Variants in RFTN2 observed in about 807,000 individuals in gnomAD.
The protein encoded by RFTN2 is raftlin-2.
A neutral mutation model predicts 52.7 loss-of-function variants in RFTN2; 34 were observed. The ratio of observed to expected loss-of-function variants is 0.64; its 90% confidence interval spans 0.49 to 0.86. The LOEUF (loss-of-function observed/expected upper bound fraction) is 0.86, where lower values mean the gene tolerates loss of function less well. Among genes scored for constraint, RFTN2 ranks in the 40% least tolerant of loss-of-function variants. The pLI, the probability that RFTN2 is intolerant of heterozygous loss-of-function variation, is 0.00. For synonymous variants in RFTN2, 203 were observed against 217.7 expected (o/e 0.93, Z 0.59); for missense variants, 536 against 600.1 (o/e 0.89, Z 1.12).
Position 197,596,355 on chromosome 2 carries a change from C to G in RFTN2, c.1155-286G>C, listed in dbSNP as rs181778531. Among the ~76,000 whole-genome samples the G allele has an allele frequency of 8.5e-5, 13 of 152,228 alleles. No individual in the cohort carries two copies. In the East Asian group the frequency reaches 2.5e-3, roughly 29 times the overall value. ...ACTTGTAATCTCACCAAGCTAACAT[C>G]AATATTTTCATTTCTTTGTTTCCCC... On this transcript the variant is annotated intron_variant, in intron 7 of 8. Transcript: ENST00000295049.
chr2:197,572,864 G>A (rs1161121062), intron 8 of RFTN2, among the ~76,000 whole-genome samples: 1 of 152,134 alleles, frequency 6.6e-6, no homozygotes, highest in Non-Finnish European at 1.5e-5. Context: ...CCATGAATAA[G>A]TATCATGAGA....
intron 1 of RFTN2, among the ~76,000 whole-genome samples, chr2:197,649,333 TTCC>T (rs1287385777): frequency 1.3e-5 from 2 of 152,184 alleles, no homozygotes; most frequent in African/African-American, 2.4e-5. Context: ...TCACCACATG[TTCC>T]TCATTTTAAT....
At chr2:197,650,562 C>T (rs1209745854) in intron 1 of RFTN2, among the ~76,000 whole-genome samples, 1 of 152,218 alleles carries the variant, frequency 6.6e-6, no homozygotes, top group Non-Finnish European at 1.5e-5. Flanking sequence ...CTTTTTGTGA[C>T]TGGCTTATTT....
chr2:197,631,641 C>T (rs866975294), intron 4 of RFTN2, among the ~76,000 whole-genome samples: 2 of 152,090 alleles, frequency 1.3e-5, no homozygotes, highest in African/African-American at 2.4e-5. Flanking sequence ...AGATCTTATT[C>T]GTTTATTTTA....
At chr2:197,665,754 T>G (rs2089047420) in intron 1 of RFTN2, among the ~76,000 whole-genome samples, 1 of 150,540 alleles carries the variant, frequency 6.6e-6, no homozygotes, top group African/African-American at 2.4e-5. Flanking sequence ...GAGAATTTAA[T>G]CTACTTACAT....
At chr2:197,606,898 C>T (rs903719658) in intron 7 of RFTN2, among the ~76,000 whole-genome samples, 1 of 152,126 alleles carries the variant, frequency 6.6e-6, no homozygotes, top group African/African-American at 2.4e-5. Context: ...TAAACTAGTT[C>T]AGCCATTGTG....
At position 197,572,163 on chromosome 2, in the gene RFTN2, G is replaced by A. The variant is rs138418206; in HGVS notation, c.1351C>T (p.Arg451Cys). ...CAGCATTCCCGGGAGGGAGAAAGGC[G>A]GCACTCCTCAGGCAGGTGTCTGCTC... ...AESRHLPEEC[R>C]LSPSRECWTK... Residue 451 changes from arginine (R) to cysteine (C), a missense_variant, in exon 9 of 9, where the codon CGC becomes TGC. By Grantham distance (180) the Arg-to-Cys change is radical. Coordinates refer to ENST00000295049, the MANE Select transcript of RFTN2 (RefSeq NM_144629.3). 74 of 1,614,104 alleles carry A rather than the reference G, an allele frequency of 4.6e-5. No individual in the cohort carries two copies. Among genetic ancestry groups the A allele is most frequent in the South Asian group, 3.3e-5 (3 of 91,094 alleles).
intron 7 of RFTN2, among the ~76,000 whole-genome samples, chr2:197,613,753 A>T (rs1352999641): frequency 6.6e-6 from 1 of 152,264 alleles, no homozygotes; most frequent in East Asian, 1.9e-4. Flanking sequence ...GGCACTTGGC[A>T]GGACTCAAAT....
rs768954421 is a variant in RFTN2 at position 197,572,236 on chromosome 2, G to C, written c.1278C>G (p.Ala426=). Residue 426 remains alanine, a synonymous_variant, in exon 9 of 9, where the codon GCC becomes GCG. Coordinates refer to ENST00000295049, the MANE Select transcript of RFTN2 (RefSeq NM_144629.3). Reference sequence around the variant, plus strand: ...TGTCTAATCCGATGCTTCTACTAGTGGCTTTATTCTTGTCTTCACCTTTTA... The same window carrying C: ...TGTCTAATCCGATGCTTCTACTAGTCGCTTTATTCTTGTCTTCACCTTTTA... The part of the protein sequence containing the change: ...RHIKGEDKNK[A]TSRSIGLDTT... The C allele has an allele frequency of 6.2e-7, 1 of 1,614,196 alleles. No individual in the cohort carries two copies. The highest frequency in any genetic ancestry group is 8.5e-7 in the Non-Finnish European group (1 of 1,179,998).
At chr2:197,665,014 G>C (rs2089031750) in intron 1 of RFTN2, among the ~76,000 whole-genome samples, 1 of 152,102 alleles carries the variant, frequency 6.6e-6, no homozygotes. Context: ...AGAGGGAGTG[G>C]GGCAAAGATT....
intron 1 of RFTN2, among the ~76,000 whole-genome samples, chr2:197,655,495 A>G (rs937924987): frequency 2.3e-4 from 35 of 152,348 alleles, no homozygotes; most frequent in African/African-American, 8.2e-4. Flanking sequence ...AATGTTGTAC[A>G]TCAGTGCTAA....
At chr2:197,665,452 G>A (rs915071643) in intron 1 of RFTN2, among the ~76,000 whole-genome samples, 1 of 137,880 alleles carries the variant, frequency 7.3e-6, no homozygotes, top group African/African-American at 2.8e-5. Flanking sequence ...AGTGTTGGGC[G>A]CATATATGTT....
At chr2:197,635,219 C>A (rs1229733100) in intron 3 of RFTN2, among the ~76,000 whole-genome samples, 1 of 152,024 alleles carries the variant, frequency 6.6e-6, no homozygotes, top group Non-Finnish European at 1.5e-5. Flanking sequence ...GTCTTTATAG[C>A]AGCATGATTT....
intron 7 of RFTN2, among the ~76,000 whole-genome samples, chr2:197,603,623 A>G (rs1574698722): frequency 6.6e-6 from 1 of 152,258 alleles, no homozygotes; most frequent in Non-Finnish European, 1.5e-5. Context: ...GGCCTTATGA[A>G]TAGAACTTTA....
At chr2:197,592,346 C>T (rs1430269483) in intron 8 of RFTN2, among the ~76,000 whole-genome samples, 2 of 152,184 alleles carry the variant, frequency 1.3e-5, no homozygotes, top group Non-Finnish European at 2.9e-5. Context: ...CAGGCATGTG[C>T]CACCACGCCC....
At chr2:197,620,916 AG>A (rs1369287509) in intron 5 of RFTN2, among the ~76,000 whole-genome samples, 1 of 152,254 alleles carries the variant, frequency 6.6e-6, no homozygotes, top group Non-Finnish European at 1.5e-5. Context: ...CGGTGAGCCG[AG>A]ATCGTGCCAT....
intron 3 of RFTN2, among the ~76,000 whole-genome samples, chr2:197,640,798 T>C (rs535287523): frequency 6.6e-6 from 1 of 152,328 alleles, no homozygotes; most frequent in South Asian, 2.1e-4. Context: ...CTTTTCCCAT[T>C]GACATATCGG....
At chr2:197,606,454 A>G (rs1228813533) in intron 7 of RFTN2, among the ~76,000 whole-genome samples, 1 of 152,220 alleles carries the variant, frequency 6.6e-6, no homozygotes, top group Non-Finnish European at 1.5e-5. Flanking sequence ...CTTGTGAAAT[A>G]CACTCTCATA....
intron 1 of RFTN2, among the ~76,000 whole-genome samples, chr2:197,648,979 G>C (rs992911837): frequency 6.6e-6 from 1 of 152,140 alleles, no homozygotes; most frequent in Non-Finnish European, 1.5e-5. Flanking sequence ...GGAACCTACT[G>C]TATTCATGTC....
Sources: allele counts gnomAD v4.1 joint callset (sites outside exome capture counted in the v4.1 genomes callset), GRCh38; gene constraint gnomAD v4.1.1; transcripts MANE v1.5; gene names NCBI Gene and HGNC (gene_info 2026-07-23, HGNC 2026-07-21).